ITPR2: variants seen among roughly 807,000 people sequenced by gnomAD.
ITPR2 encodes the protein inositol 1,4,5-trisphosphate receptor type 2, also known as inositol 1,4,5-trisphosphate-gated calcium channel ITPR2.
In ITPR2, 207 loss-of-function variants were observed where a neutral mutation model predicts 317.1. That is an observed-to-expected ratio of 0.65 (90% CI 0.58 to 0.73). ITPR2 has a LOEUF of 0.73. ITPR2 is among the 30% of genes least tolerant of loss of function. The pLI is 0.00. For synonymous variants in ITPR2, 1,156 were observed against 1,149.1 expected, an observed-to-expected ratio of 1.01 and a Z score of -0.12; for missense variants, 2,613 against 3,284.0, an observed-to-expected ratio of 0.80 and a Z score of 4.99.
At chr12:26,771,332 T>A (rs1949839202) in intron 2 of ITPR2, among the ~76,000 whole-genome samples, 1 of 152,118 alleles carries the variant, frequency 6.6e-6, no homozygotes, top group African/African-American at 2.4e-5. Flanking sequence ...TTACCCCCTT[T>A]CTACCAACTA....
At chr12:26,821,031 T>C (rs1001326752) in intron 1 of ITPR2, among the ~76,000 whole-genome samples, 1 of 152,016 alleles carries the variant, frequency 6.6e-6, no homozygotes, top group African/African-American at 2.4e-5. Flanking sequence ...TCTGGGATAG[T>C]AAAAAAAAGT....
intron 36 of ITPR2, among the ~76,000 whole-genome samples, chr12:26,555,728 C>T (rs1944646036): frequency 1.3e-5 from 2 of 151,890 alleles, no homozygotes; most frequent in African/African-American, 2.4e-5. Context: ...GTCTTACTAA[C>T]CCTGCACCTG....
intron 46 of ITPR2, among the ~76,000 whole-genome samples, chr12:26,443,108 A>G (rs760805509): frequency 6.6e-6 from 1 of 152,186 alleles, no homozygotes; most frequent in Non-Finnish European, 1.5e-5. Flanking sequence ...TTCCAAGGCT[A>G]TGCTATCAAT....
chr12:26,690,522 T>TTG (rs1454154226), intron 10 of ITPR2, among the ~76,000 whole-genome samples: 1 of 152,232 alleles, frequency 6.6e-6, no homozygotes, highest in African/African-American at 2.4e-5. Context: ...TATTTGGCAA[T>TTG]TGAAAGTTGG....
At chr12:26,658,724 A>T (rs1947429301) in intron 16 of ITPR2, among the ~76,000 whole-genome samples, 1 of 152,222 alleles carries the variant, frequency 6.6e-6, no homozygotes, top group Non-Finnish European at 1.5e-5. Flanking sequence ...TATTCCTATC[A>T]GGGTACGCTT....
intron 26 of ITPR2, among the ~76,000 whole-genome samples, chr12:26,614,128 C>G (rs960582888): frequency 1.3e-5 from 2 of 151,960 alleles, no homozygotes; most frequent in African/African-American, 4.8e-5. Context: ...AGATATAAAC[C>G]TATTTTAAGT....
At chr12:26,465,197 C>T (rs1024329067) in intron 45 of ITPR2, among the ~76,000 whole-genome samples, 4 of 152,100 alleles carry the variant, frequency 2.6e-5, no homozygotes, top group African/African-American at 4.8e-5. Flanking sequence ...TGAAGCAGAA[C>T]GAAAGATCAG....
intron 9 of ITPR2, among the ~76,000 whole-genome samples, chr12:26,699,109 A>G (rs536930918): frequency 6.6e-6 from 1 of 152,118 alleles, no homozygotes; most frequent in Admixed American, 6.5e-5. Flanking sequence ...TTTTCACTCA[A>G]TACACATTAG....
At chr12:26,643,660 A>G (rs1395093771) in intron 21 of ITPR2, among the ~76,000 whole-genome samples, 2 of 152,234 alleles carry the variant, frequency 1.3e-5, no homozygotes, top group East Asian at 3.8e-4. Context: ...AAGAGCCATC[A>G]TTGTATAAAG....
intron 45 of ITPR2, among the ~76,000 whole-genome samples, chr12:26,451,547 T>G (rs1437064354): frequency 5.3e-5 from 8 of 152,178 alleles, no homozygotes; most frequent in Non-Finnish European, 1.0e-4. Context: ...ATCTATTATC[T>G]TTTTAAAAAT....
chr12:26,485,576 G>T (rs1034693587), intron 41 of ITPR2, among the ~76,000 whole-genome samples: 2 of 152,234 alleles, frequency 1.3e-5, no homozygotes, highest in Admixed American at 6.5e-5. Context: ...AAAGGAAAAT[G>T]CAGGAAAGAA....
intron 37 of ITPR2, among the ~76,000 whole-genome samples, chr12:26,518,017 T>C (rs1406272640): frequency 1.3e-5 from 2 of 152,216 alleles, no homozygotes; most frequent in East Asian, 1.9e-4. Context: ...ATCCTGTTAC[T>C]GGGTATATGC....
intron 2 of ITPR2, among the ~76,000 whole-genome samples, chr12:26,782,158 T>G (rs987858272): frequency 6.6e-6 from 1 of 151,204 alleles, no homozygotes; most frequent in African/African-American, 2.4e-5. Flanking sequence ...TATACAGAAC[T>G]ATATTGTATT....
intron 43 of ITPR2, among the ~76,000 whole-genome samples, chr12:26,480,287 A>C (rs1942517664): frequency 6.6e-6 from 1 of 152,210 alleles, no homozygotes; most frequent in South Asian, 2.1e-4. Context: ...TTATAAATGA[A>C]ACTGCTGGGA....
intron 2 of ITPR2, among the ~76,000 whole-genome samples, chr12:26,778,519 C>A (rs112591740): frequency 0.011 from 1,728 of 152,368 alleles, 29 homozygotes; most frequent in African/African-American, 0.039. Context: ...TTGGCAAATG[C>A]CTTTTTCTCC....
At chr12:26,716,000 T>A (rs1948733925) in intron 6 of ITPR2, 144 bp downstream of exon 6, 1 of 702,266 alleles carries the variant, frequency 1.4e-6, no homozygotes, top group Non-Finnish European at 2.4e-6. Flanking sequence ...CAATAACTAA[T>A]CACAGCTATA....
At position 26,684,263 on chromosome 12, in the gene ITPR2, G is replaced by A. The variant is rs543420968; in HGVS notation, c.1149-1590C>T. ...TAAGCAGCATTGGACCATAAAGTCTGAGAAACACTGGACTCCACAGTGGAA... is the reference window on the plus strand; with the variant it reads ...TAAGCAGCATTGGACCATAAAGTCTAAGAAACACTGGACTCCACAGTGGAA... On this transcript the variant is annotated intron_variant, in intron 11 of 56. Transcript: ENST00000381340. Among the ~76,000 whole-genome samples the A allele has an allele frequency of 5.3e-5, 8 of 152,304 alleles. No homozygotes were observed. The South Asian group carries it at 1.7e-3, about 32-fold the overall frequency.
rs1938008111 is a variant in ITPR2 at position 26,338,811 on chromosome 12, T to A, written c.*586A>T. ...AGGCAAAAGCTCCAAAGTACTAAGTTCCTAGAGCTGTAAATCCATTGTGCT... is the reference window on the plus strand; with the variant it reads ...AGGCAAAAGCTCCAAAGTACTAAGTACCTAGAGCTGTAAATCCATTGTGCT... On this transcript the variant is annotated 3_prime_UTR_variant, in exon 57 of 57. Coordinates refer to ENST00000381340, the MANE Select transcript of ITPR2 (RefSeq NM_002223.4). 1 of 152,278 alleles carries A rather than the reference T, an allele frequency of 6.6e-6. No homozygotes were observed. Among genetic ancestry groups the A allele is most frequent in the Non-Finnish European group, 1.5e-5 (1 of 68,102 alleles). 9.4% of individuals were successfully genotyped at this position (152,278 alleles called of 1,614,324 possible).
chr12:26,704,851 T>TC (rs1389099725), intron 9 of ITPR2, among the ~76,000 whole-genome samples: 1 of 152,174 alleles, frequency 6.6e-6, no homozygotes, highest in African/African-American at 2.4e-5. Flanking sequence ...GGGATTTTTT[T>TC]CCCACTATGC....
Sources: gnomAD v4.1 joint callset for allele counts (sites outside exome capture counted in the v4.1 genomes callset) on GRCh38, gnomAD v4.1.1 for gene constraint, MANE v1.5 for transcripts, NCBI Gene and HGNC (gene_info 2026-07-23, HGNC 2026-07-21) for gene names.